Variants in COX7B2 observed in about 807,000 individuals in gnomAD.
COX7B2 encodes cytochrome c oxidase subunit 7B2, mitochondrial.
For missense variants in COX7B2, 109 were observed against 95.9 expected (o/e 1.14, Z -0.57); for synonymous variants, 37 against 32.1 (o/e 1.15, Z -0.51).
chr4:46,793,996 C>T (rs1275763817), intron 2 of COX7B2, among the ~76,000 whole-genome samples: 1 of 152,156 alleles, frequency 6.6e-6, no homozygotes, highest in Non-Finnish European at 1.5e-5. Context: ...CCTGAAGCAA[C>T]TGCCATGAAA....
At chr4:46,908,477 T>A (rs1720541608) in intron 1 of COX7B2, among the ~76,000 whole-genome samples, 1 of 152,136 alleles carries the variant, frequency 6.6e-6, no homozygotes, top group African/African-American at 2.4e-5. Context: ...TACAAACAGC[T>A]ACTCTCCTGT....
chr4:46,761,053 T>G (rs2109472567), intron 2 of COX7B2, among the ~76,000 whole-genome samples: 1 of 152,280 alleles, frequency 6.6e-6, no homozygotes, highest in East Asian at 1.9e-4. Context: ...CTTTGTCACC[T>G]GAGCTGGCTG....
At chr4:46,762,461 G>GTATATATAC (rs1449883460) in intron 2 of COX7B2, among the ~76,000 whole-genome samples, 1,410 of 132,222 alleles carry the variant, frequency 0.011, 9 homozygotes, top group Middle Eastern at 0.032. Flanking sequence ...ACTATATATA[G>GTATATATAC]TATATGTACT....
intron 1 of COX7B2, among the ~76,000 whole-genome samples, chr4:46,877,378 C>T (rs1440830596): frequency 1.3e-5 from 2 of 152,122 alleles, no homozygotes; most frequent in Non-Finnish European, 2.9e-5. Flanking sequence ...CTTAAAATGC[C>T]TAACATATTT....
chr4:46,868,643 G>A lies in COX7B2; in HGVS notation c.-104-23629C>T, dbSNP rs145962066. ...CAATATTTATCTAAAAATCACTCAGGGGCATGTTGTTTAATGTCCACATAA... is the reference window on the plus strand; with the variant it reads ...CAATATTTATCTAAAAATCACTCAGAGGCATGTTGTTTAATGTCCACATAA... On this transcript the variant is annotated intron_variant, in intron 1 of 2. Coordinates refer to ENST00000355591, the MANE Select transcript of COX7B2 (RefSeq NM_130902.3). 7.8e-3 allele frequency among the ~76,000 whole-genome samples: 1,187 copies of A among 152,170 alleles called. 18 individuals carry two copies. Among genetic ancestry groups the A allele is most frequent in the African/African-American group, 0.028 (1,142 of 41,516 alleles).
chr4:46,826,338 A>G (rs1403283943), intron 2 of COX7B2, among the ~76,000 whole-genome samples: 2 of 152,168 alleles, frequency 1.3e-5, no homozygotes, highest in Non-Finnish European at 2.9e-5. Context: ...TACACCAGTT[A>G]AAGTGGCTAT....
chr4:46,809,502 A>T (rs1480308191), intron 2 of COX7B2, among the ~76,000 whole-genome samples: 1 of 151,656 alleles, frequency 6.6e-6, no homozygotes, highest in Non-Finnish European at 1.5e-5. Flanking sequence ...ATATTTTTTT[A>T]AATTTATCTT....
At chr4:46,866,858 A>G (rs1717697923) in intron 1 of COX7B2, among the ~76,000 whole-genome samples, 1 of 152,098 alleles carries the variant, frequency 6.6e-6, no homozygotes, top group Non-Finnish European at 1.5e-5. Flanking sequence ...TATATTAATA[A>G]CTCTGGACAA....
chr4:46,791,054 C>T (rs1436908053), intron 2 of COX7B2, among the ~76,000 whole-genome samples: 1 of 152,174 alleles, frequency 6.6e-6, no homozygotes, highest in Non-Finnish European at 1.5e-5. Flanking sequence ...GGCTGGAGTG[C>T]AGTGGCGCGA....
chr4:46,825,577 C>A (rs1232485737), intron 2 of COX7B2, among the ~76,000 whole-genome samples: 1 of 152,138 alleles, frequency 6.6e-6, no homozygotes, highest in Non-Finnish European at 1.5e-5. Flanking sequence ...ATAGCCAAGA[C>A]AATCCTAAGC....
intron 2 of COX7B2, among the ~76,000 whole-genome samples, chr4:46,776,390 CAG>C (rs1414510940): frequency 2.2e-5 from 3 of 136,070 alleles, no homozygotes; most frequent in South Asian, 2.6e-4. Flanking sequence ...AGAGTAGTTT[CAG>C]AGTGTGTGTG....
At chr4:46,816,452 C>T (rs190907466) in intron 2 of COX7B2, among the ~76,000 whole-genome samples, 5 of 152,226 alleles carry the variant, frequency 3.3e-5, no homozygotes, top group Admixed American at 2.6e-4. Context: ...TCTTTAAATT[C>T]TCATGGTACT....
intron 2 of COX7B2, among the ~76,000 whole-genome samples, chr4:46,768,393 C>T (rs576102806): frequency 6.6e-6 from 1 of 152,260 alleles, no homozygotes; most frequent in East Asian, 1.9e-4. Flanking sequence ...AGATGCTTCT[C>T]TCTTCCCTCC....
intron 1 of COX7B2, among the ~76,000 whole-genome samples, chr4:46,881,213 A>G (rs1718718640): frequency 6.6e-6 from 1 of 152,164 alleles, no homozygotes. Context: ...CAAGGTGGTC[A>G]GGGCACAGCT....
At chr4:46,766,882 A>T (rs1240117327) in intron 2 of COX7B2, among the ~76,000 whole-genome samples, 1 of 152,172 alleles carries the variant, frequency 6.6e-6, no homozygotes, top group African/African-American at 2.4e-5. Context: ...AAGAGAAAAG[A>T]ATCAAAGCCT....
intron 1 of COX7B2, among the ~76,000 whole-genome samples, chr4:46,846,774 C>A (rs577411241): frequency 1.3e-5 from 2 of 152,006 alleles, no homozygotes; most frequent in Middle Eastern, 3.4e-3. Context: ...TGGTCAGAGA[C>A]TGAATATATT....
At chr4:46,806,887 A>T (rs1719026280) in intron 2 of COX7B2, among the ~76,000 whole-genome samples, 1 of 152,064 alleles carries the variant, frequency 6.6e-6, no homozygotes, top group African/African-American at 2.4e-5. Context: ...CATTGTATTT[A>T]CACACTACTA....
intron 2 of COX7B2, among the ~76,000 whole-genome samples, chr4:46,737,450 T>G (rs1220970048): frequency 1.3e-5 from 2 of 152,096 alleles, no homozygotes; most frequent in Non-Finnish European, 2.9e-5. Context: ...CTGCAAGTTC[T>G]CCAAGAGCAA....
At chr4:46,870,305 CAACA>C (rs1052997041) in intron 1 of COX7B2, among the ~76,000 whole-genome samples, 3 of 146,294 alleles carry the variant, frequency 2.1e-5, no homozygotes, top group Non-Finnish European at 4.5e-5. Flanking sequence ...TCAAAACTCT[CAACA>C]AACTAGATAT....
Sources: allele counts gnomAD v4.1 joint callset (sites outside exome capture counted in the v4.1 genomes callset), GRCh38; gene constraint gnomAD v4.1.1; transcripts MANE v1.5; gene names NCBI Gene and HGNC (gene_info 2026-07-23, HGNC 2026-07-21).